SYTL2: variants seen among roughly 807,000 people sequenced by gnomAD.
SYTL2 encodes the protein synaptotagmin like 2.
A neutral mutation model predicts 198.7 loss-of-function variants in SYTL2; 165 were observed. That is an observed-to-expected ratio of 0.83 (90% confidence interval 0.73 to 0.94). The LOEUF is 0.94. Ranked by LOEUF, SYTL2 falls within the 40% of genes least tolerant of loss-of-function variation. The pLI is 0.00. For missense variants in SYTL2, 2,835 were observed against 2,582.8 expected (o/e 1.10, Z -2.12); for synonymous variants, 966 against 917.7 (o/e 1.05, Z -0.95).
At chr11:85,791,545 T>C (rs1326900324) in intron 1 of SYTL2, among the ~76,000 whole-genome samples, 1 of 152,188 alleles carries the variant, frequency 6.6e-6, no homozygotes, top group Non-Finnish European at 1.5e-5. Context: ...ACTCTAAACA[T>C]CTTTCCTGTT....
intron 1 of SYTL2, among the ~76,000 whole-genome samples, chr11:85,802,288 C>G (rs537321674): frequency 7.9e-4 from 111 of 140,104 alleles, no homozygotes; most frequent in African/African-American, 2.8e-3. Flanking sequence ...GTGGCATGAT[C>G]TCAGCTCACT....
intron 1 of SYTL2, among the ~76,000 whole-genome samples, chr11:85,760,882 C>T (rs192470472): frequency 2.0e-5 from 3 of 152,138 alleles, no homozygotes; most frequent in Non-Finnish European, 2.9e-5. Flanking sequence ...GGAACCCTTC[C>T]CTTTTAATTG....
chr11:85,846,067 C>G, the SYTL2 span, among the ~76,000 whole-genome samples: 1 of 152,186 alleles, frequency 6.6e-6, no homozygotes, highest in African/African-American at 2.4e-5. Context: ...GATGGGCCAG[C>G]TGGGACAGTC....
rs781184272 is a variant in SYTL2, at chr11:85,734,464, G to A, written c.865C>T (p.Arg289Cys). ...SSSSTDSETL[R>C]YNHNFEPKSK... is the part of the protein sequence containing the mutation. The stretch of plus-strand genomic sequence containing the variant: ...TTGGGTTCAAAGTTGTGATTATAAC[G>A]AAGGGTTTCTGAGTCTGTGCTACTG... The change falls in exon 7 of 20, where the codon CGT becomes TGT. Residue 289 changes from arginine (R) to cysteine (C), a missense_variant. Coordinates refer to ENST00000359152, the MANE Select transcript of SYTL2 (RefSeq NM_206927.4). The A allele has an allele frequency of 1.2e-5, 19 of 1,614,104 alleles. No homozygotes were observed. Among genetic ancestry groups the A allele is most frequent in the East Asian group, 6.7e-5 (3 of 44,898 alleles).
At chr11:85,794,071 T>C (rs1413824742) in intron 1 of SYTL2, among the ~76,000 whole-genome samples, 2 of 152,208 alleles carry the variant, frequency 1.3e-5, no homozygotes, top group Non-Finnish European at 2.9e-5. Flanking sequence ...GGTCTCACTA[T>C]GCTGCCCAGG....
At chr11:85,719,893 A>G (rs566053757) in intron 9 of SYTL2, among the ~76,000 whole-genome samples, 1 of 152,240 alleles carries the variant, frequency 6.6e-6, no homozygotes, top group African/African-American at 2.4e-5. Context: ...AATATTCTAA[A>G]CATAACAATG....
At chr11:85,715,850 C>G (rs1430817582) in intron 11 of SYTL2, among the ~76,000 whole-genome samples, 2 of 152,110 alleles carry the variant, frequency 1.3e-5, no homozygotes, top group Non-Finnish European at 2.9e-5. Flanking sequence ...ACATTGCACC[C>G]TACTATTTTC....
rs567342203 is a variant in SYTL2, at chr11:85,740,308, T to A, written c.390-2652A>T. ...ACTTAACCTATTCCCAGTCCCTCCTTGTAAGTGTTCTTTTTGCTTTCTTTG... is the reference window on the plus strand; with the variant it reads ...ACTTAACCTATTCCCAGTCCCTCCTAGTAAGTGTTCTTTTTGCTTTCTTTG... On this transcript the variant is annotated intron_variant, in intron 4 of 19. Transcript: ENST00000359152. 3.9e-4 allele frequency among the ~76,000 whole-genome samples: 59 copies of A among 152,260 alleles called. No homozygotes were observed. In the South Asian group the frequency reaches 0.011, roughly 28 times the overall value.
chr11:85,724,749 G>GC lies in SYTL2; in HGVS notation c.4608dup (p.Arg1537AlafsTer5). The GC allele has an allele frequency of 6.2e-7, 1 of 1,611,726 alleles. No individual in the cohort carries two copies. ...TCAGGATGGCATTCAGAAGTGGCTC[G>GC]CCTGGGCTCCTCTGTACTACCTATT... is the stretch of plus-strand genomic sequence containing the variant. On this transcript the variant is annotated frameshift_variant, in exon 8 of 20. Coordinates refer to ENST00000359152, the MANE Select transcript of SYTL2 (RefSeq NM_206927.4). LOFTEE classifies it high-confidence loss of function.
chr11:85,849,248 C>T, the SYTL2 span, among the ~76,000 whole-genome samples: 1 of 152,162 alleles, frequency 6.6e-6, no homozygotes, highest in Non-Finnish European at 1.5e-5. Flanking sequence ...GCTGCCTGTT[C>T]ACTCTGATGG....
At chr11:85,746,722 A>G (rs2091180695) in intron 3 of SYTL2, among the ~76,000 whole-genome samples, 1 of 152,196 alleles carries the variant, frequency 6.6e-6, no homozygotes, top group South Asian at 2.1e-4. Flanking sequence ...ACCTGGTACT[A>G]ACCAGTACCC....
At chr11:85,817,631 C>T in the SYTL2 span, among the ~76,000 whole-genome samples, 1 of 152,110 alleles carries the variant, frequency 6.6e-6, no homozygotes, top group African/African-American at 2.4e-5. Context: ...TCAGTTTTCC[C>T]ACTTGGGAGA....
At chr11:85,711,795 C>T (rs915092197) in intron 12 of SYTL2, among the ~76,000 whole-genome samples, 1 of 151,894 alleles carries the variant, frequency 6.6e-6, no homozygotes, top group Admixed American at 6.6e-5. Flanking sequence ...TTTAAACTTC[C>T]CCTTACATAT....
intron 7 of SYTL2, 89 bp downstream of exon 7, chr11:85,733,850 C>T (rs1214658829): frequency 1.2e-5 from 12 of 1,004,448 alleles, no homozygotes; most frequent in African/African-American, 3.2e-5. Context: ...CCACCCGCCT[C>T]GGCCTCCCAA....
rs761120073 is a variant in SYTL2, at chr11:85,726,152, AATGT to A, written c.3202_3205del (p.Thr1068PhefsTer3). 7 of 1,614,076 alleles carry A rather than the reference AATGT, an allele frequency of 4.3e-6. No individual in the cohort carries two copies. The highest frequency in any genetic ancestry group is 5.9e-6 in the Non-Finnish European group (7 of 1,179,986). ...ATACTTTCTAAGTGGACTCAAAGGA[AATGT>A]GATTTCATCTGGTAGCACCTGGAGT... On this transcript the variant is annotated frameshift_variant, in exon 8 of 20. Transcript: ENST00000359152. LOFTEE classifies it high-confidence loss of function.
the SYTL2 span, among the ~76,000 whole-genome samples, chr11:85,830,363 G>A: frequency 6.6e-6 from 1 of 152,162 alleles, no homozygotes; most frequent in Non-Finnish European, 1.5e-5. Flanking sequence ...AATGGTGAAG[G>A]ACTCCTTCAG....
intron 1 of SYTL2, among the ~76,000 whole-genome samples, chr11:85,802,247 A>T (rs951922294): frequency 8.4e-6 from 1 of 118,448 alleles, no homozygotes; most frequent in Non-Finnish European, 1.7e-5. Context: ...TGTGAGCCGG[A>T]GCCTTGCTCT....
chr11:85,763,975 C>T (rs1395009507), intron 1 of SYTL2, among the ~76,000 whole-genome samples: 1 of 152,232 alleles, frequency 6.6e-6, no homozygotes, highest in Admixed American at 6.5e-5. Flanking sequence ...AGATTTCCCT[C>T]CAGTGTACCA....
At chr11:85,786,177 T>C (rs1458508582) in intron 1 of SYTL2, among the ~76,000 whole-genome samples, 2 of 152,218 alleles carry the variant, frequency 1.3e-5, no homozygotes, top group Non-Finnish European at 2.9e-5. Flanking sequence ...TGGTTCTGTT[T>C]ATATGACACT....
Sources: allele counts gnomAD v4.1 joint callset (sites outside exome capture counted in the v4.1 genomes callset), GRCh38; gene constraint gnomAD v4.1.1; transcripts MANE v1.5; gene names NCBI Gene and HGNC (gene_info 2026-07-23, HGNC 2026-07-21).